The following DYNC2I1 variants were observed in gnomAD, a reference collection of about 807,000 sequenced individuals.
The protein encoded by DYNC2I1 is dynein 2 intermediate chain 1.
Under a neutral mutation model 133.4 loss-of-function variants are expected in DYNC2I1, and 89 were observed. The observed-to-expected ratio is 0.67, with a 90% CI of 0.56 to 0.80. The LOEUF is 0.80. Ranked by LOEUF, DYNC2I1 falls within the 30% of genes least tolerant of loss-of-function variation. The pLI, the probability that DYNC2I1 is intolerant of heterozygous loss-of-function variation, is 0.00. For synonymous variants in DYNC2I1, 504 were observed against 484.3 expected, an observed-to-expected ratio of 1.04 and a Z score of -0.54; for missense variants, 1,291 against 1,314.5, an observed-to-expected ratio of 0.98 and a Z score of 0.28.
At chr7:158,923,008 G>A (rs932929637) in intron 16 of DYNC2I1, among the ~76,000 whole-genome samples, 2 of 152,154 alleles carry the variant, frequency 1.3e-5, no homozygotes, top group African/African-American at 4.8e-5. Context: ...GTGTGCTGTC[G>A]CTCACAGCCC....
chr7:158,876,699 A>T lies in DYNC2I1; in HGVS notation c.573+8A>T, dbSNP rs779811907. The T allele has an allele frequency of 1.4e-5, 21 of 1,553,194 alleles. No individual in the cohort carries two copies. Among genetic ancestry groups the T allele is most frequent in the Non-Finnish European group, 1.7e-5 (20 of 1,158,054 alleles). ...AGATACCGAGAAAGAAAGGTATACG[A>T]AGCAAGGCCTGGGGAAAAGTTTTCC... is the stretch of plus-strand genomic sequence containing the variant. On this transcript the variant is annotated splice_region_variant and intron_variant, in intron 4 of 24. Coordinates refer to ENST00000407559, the MANE Select transcript of DYNC2I1 (RefSeq NM_018051.5).
At chr7:158,863,073 T>C (rs1842009333) in intron 1 of DYNC2I1, among the ~76,000 whole-genome samples, 1 of 128,928 alleles carries the variant, frequency 7.8e-6, no homozygotes, top group African/African-American at 3.0e-5. Flanking sequence ...GCACAAAGCT[T>C]CCACAGTGTG....
At chr7:158,909,342 A>G (rs1847155413) in intron 11 of DYNC2I1, among the ~76,000 whole-genome samples, 1 of 151,390 alleles carries the variant, frequency 6.6e-6, no homozygotes, top group Non-Finnish European at 1.5e-5. Context: ...AAAAAAAAAA[A>G]AAAAAAAAAA....
intron 14 of DYNC2I1, among the ~76,000 whole-genome samples, chr7:158,915,714 G>C: frequency 7.8e-6 from 1 of 128,768 alleles, no homozygotes; most frequent in African/African-American, 3.0e-5. Context: ...AAGGATGATT[G>C]TGAAACGTCG....
intron 1 of DYNC2I1, among the ~76,000 whole-genome samples, chr7:158,859,417 A>G (rs1841672811): frequency 6.6e-6 from 1 of 151,932 alleles, no homozygotes; most frequent in Non-Finnish European, 1.5e-5. Context: ...TTGAATATGG[A>G]TGTAGTTTGT....
chr7:158,899,351 C>G (rs78349385), intron 8 of DYNC2I1, among the ~76,000 whole-genome samples: 7 of 152,112 alleles, frequency 4.6e-5, no homozygotes, highest in African/African-American at 1.7e-4. Context: ...TACACACACA[C>G]GGATAAATAC....
intron 8 of DYNC2I1, among the ~76,000 whole-genome samples, chr7:158,900,606 G>A (rs1438398402): frequency 1.3e-5 from 2 of 151,988 alleles, no homozygotes; most frequent in Non-Finnish European, 2.9e-5. Flanking sequence ...TCTGACATCA[G>A]TTTGGAGAAA....
intron 10 of DYNC2I1, among the ~76,000 whole-genome samples, chr7:158,905,715 T>A (rs1846726513): frequency 6.6e-6 from 1 of 152,222 alleles, no homozygotes; most frequent in Non-Finnish European, 1.5e-5. Context: ...TAGAACTGCA[T>A]CTTTTGTGCA....
intron 10 of DYNC2I1, 101 bp downstream of exon 10, chr7:158,902,696 G>A: frequency 9.2e-7 from 1 of 1,085,522 alleles, no homozygotes; most frequent in Non-Finnish European, 1.3e-6. Flanking sequence ...AATAAGGTGG[G>A]TGGAGCAGTA....
chr7:158,854,593 TAACA>T (rs1841126856), upstream of DYNC2I1, among the ~76,000 whole-genome samples: 1 of 152,206 alleles, frequency 6.6e-6, no homozygotes, highest in African/African-American at 2.4e-5. Flanking sequence ...TATACCTATG[TAACA>T]AACCTGCACG....
the DYNC2I1 span, among the ~76,000 whole-genome samples, chr7:158,840,523 T>G: frequency 6.6e-6 from 1 of 152,180 alleles, no homozygotes; most frequent in East Asian, 1.9e-4. Flanking sequence ...GCTGAGATCA[T>G]GCCACTGCAC....
In DYNC2I1 at chr7:158,930,529, G is replaced by GA; in HGVS notation, c.2546+18dup. 2 of 1,608,632 alleles carry GA rather than the reference G, an allele frequency of 1.2e-6. No homozygotes were observed. Among genetic ancestry groups the GA allele is most frequent in the Non-Finnish European group, 1.7e-6 (2 of 1,176,850 alleles). ...GTTGGGTGACAGGTAAGATGTGAGG[G>GA]AAAATGCTTCACTATCTCACAAAGA... On this transcript the variant is annotated intron_variant, in intron 21 of 24. Coordinates refer to ENST00000407559, the MANE Select transcript of DYNC2I1 (RefSeq NM_018051.5).
the DYNC2I1 span, among the ~76,000 whole-genome samples, chr7:158,849,407 TG>T: frequency 3.9e-5 from 6 of 152,230 alleles, no homozygotes; most frequent in Non-Finnish European, 7.3e-5. Context: ...ACAGGATCTT[TG>T]GGGGTTTCAT....
In DYNC2I1 at chr7:158,923,655, A is replaced by C. The variant is rs1349361560; in HGVS notation, c.2179A>C (p.Arg727=). ...CGGCTCAGTTGTCGTCTGGGATTTG[A>C]GAGAAGACTCAAGGCTGCATTACTC... ...AHGSVVVWDL[R]EDSRLHYSVT... Residue 727 remains arginine, a synonymous_variant, in exon 17 of 25, where the codon AGA becomes CGA. Transcript: ENST00000407559. The C allele has an allele frequency of 1.9e-6, 3 of 1,613,946 alleles. No homozygotes were observed. In the East Asian group the frequency reaches 6.7e-5, roughly 36 times the overall value.
intron 5 of DYNC2I1, among the ~76,000 whole-genome samples, chr7:158,880,975 G>A (rs1280430304): frequency 6.6e-6 from 1 of 152,202 alleles, no homozygotes; most frequent in Non-Finnish European, 1.5e-5. Flanking sequence ...GGAGGCCTCA[G>A]CAGAAGCGCA....
At chr7:158,877,102 T>G (rs1473053895) in intron 4 of DYNC2I1, among the ~76,000 whole-genome samples, 1 of 152,244 alleles carries the variant, frequency 6.6e-6, no homozygotes, top group African/African-American at 2.4e-5. Flanking sequence ...AGTGATCCTG[T>G]CTCTCCCCGT....
At chr7:158,884,238 T>C (rs1023824660) in intron 5 of DYNC2I1, among the ~76,000 whole-genome samples, 2 of 151,112 alleles carry the variant, frequency 1.3e-5, no homozygotes, top group Non-Finnish European at 2.9e-5. Context: ...AGAGACGGGG[T>C]TTCTCCGTGT....
intron 9 of DYNC2I1, 29 bp from the exon 10 acceptor site, chr7:158,902,346 AG>A (rs1454024042): frequency 1.3e-6 from 2 of 1,588,736 alleles, no homozygotes; most frequent in Admixed American, 1.7e-5. Flanking sequence ...TTTGTCTTAA[AG>A]GGTTCCAAAA....
intron 8 of DYNC2I1, among the ~76,000 whole-genome samples, chr7:158,892,102 A>G (rs1354264156): frequency 6.6e-6 from 1 of 151,868 alleles, no homozygotes; most frequent in Non-Finnish European, 1.5e-5. Context: ...TCTGCTGCGT[A>G]CTCCACTGTC....
Sources: allele counts gnomAD v4.1 joint callset (sites outside exome capture counted in the v4.1 genomes callset), GRCh38; gene constraint gnomAD v4.1.1; transcripts MANE v1.5; gene names NCBI Gene and HGNC (gene_info 2026-07-23, HGNC 2026-07-21).